TAS2R1: variants seen among roughly 807,000 people sequenced by gnomAD.
The protein encoded by TAS2R1 is taste 2 receptor member 1, also known as taste receptor type 2 member 1.
For missense variants in TAS2R1, 370 were observed against 353.4 expected (o/e 1.05, Z -0.38); for synonymous variants, 141 against 134.2 (o/e 1.05, Z -0.35).
chr5:9,866,239 T>C, the TAS2R1 span, among the ~76,000 whole-genome samples: 1 of 152,218 alleles, frequency 6.6e-6, no homozygotes. Context: ...TCCATTGGAA[T>C]TTTTATGGTT....
At chr5:9,767,974 C>G in the TAS2R1 span, among the ~76,000 whole-genome samples, 1 of 151,278 alleles carries the variant, frequency 6.6e-6, no homozygotes, top group Non-Finnish European at 1.5e-5. Flanking sequence ...ACTTAGAACC[C>G]TGTACTGGAT....
In TAS2R1 at chr5:9,665,358, A is replaced by C. The variant is rs143882523; in HGVS notation, c.-241-5777T>G. Among the ~76,000 whole-genome samples, 732 of 152,332 alleles carry C rather than the reference A, an allele frequency of 4.8e-3. 1 individual carries two copies. The highest frequency in any genetic ancestry group is 0.02 in the Middle Eastern group (6 of 294). On this transcript the variant is annotated intron_variant, in intron 1 of 2. Transcript: ENST00000506620. ...AATCAACTGATTAGTAGCCCTAATT[A>C]CATCTACAAAGTCTCTTTTCCATGT...
chr5:9,760,612 G>A, the TAS2R1 span, among the ~76,000 whole-genome samples: 1 of 152,168 alleles, frequency 6.6e-6, no homozygotes, highest in African/African-American at 2.4e-5. Flanking sequence ...ATCAATGGAT[G>A]TAGAAAAACC....
the TAS2R1 span, among the ~76,000 whole-genome samples, chr5:9,764,636 G>A: frequency 6.6e-6 from 1 of 152,130 alleles, no homozygotes; most frequent in Non-Finnish European, 1.5e-5. Flanking sequence ...TGTAAACATT[G>A]TCACCCTTAA....
chr5:9,798,779 G>GT, the TAS2R1 span, among the ~76,000 whole-genome samples: 2 of 152,198 alleles, frequency 1.3e-5, no homozygotes, highest in Non-Finnish European at 1.5e-5. Flanking sequence ...CTGTGCCAAC[G>GT]TAAGTAAAAT....
chr5:9,696,762 C>T (rs1741364877), intron 1 of TAS2R1, among the ~76,000 whole-genome samples: 1 of 152,052 alleles, frequency 6.6e-6, no homozygotes, highest in Non-Finnish European at 1.5e-5. Flanking sequence ...GACTGTAATC[C>T]CAGCACTCTG....
At chr5:9,816,532 C>CT in the TAS2R1 span, among the ~76,000 whole-genome samples, 41,284 of 150,902 alleles carry the variant, frequency 0.27, 5,928 homozygotes, top group East Asian at 0.36. Context: ...AAATCTATTG[C>CT]TTTTTTTTTC....
At chr5:9,758,470 T>C in the TAS2R1 span, among the ~76,000 whole-genome samples, 1 of 152,278 alleles carries the variant, frequency 6.6e-6, no homozygotes, top group East Asian at 1.9e-4. Flanking sequence ...AAATTTTTAA[T>C]TGGTTGGAGC....
the TAS2R1 span, among the ~76,000 whole-genome samples, chr5:9,860,812 T>C: frequency 3.3e-5 from 5 of 152,216 alleles, no homozygotes; most frequent in East Asian, 9.6e-4. Context: ...ACTGGATGGC[T>C]GCAGCCTGCA....
the TAS2R1 span, among the ~76,000 whole-genome samples, chr5:9,761,330 C>T: frequency 6.7e-6 from 1 of 150,064 alleles, no homozygotes; most frequent in African/African-American, 2.5e-5. Flanking sequence ...TTCCTTGGAG[C>T]TGAACAGGAG....
the TAS2R1 span, among the ~76,000 whole-genome samples, chr5:9,820,468 A>T: frequency 6.6e-6 from 1 of 152,242 alleles, no homozygotes; most frequent in Non-Finnish European, 1.5e-5. Context: ...TAAGTCAACT[A>T]CAGTACATCA....
In TAS2R1 at chr5:9,659,044, A is replaced by T. The variant is rs1040003041; in HGVS notation, c.-81+377T>A. On this transcript the variant is annotated intron_variant, in intron 2 of 2. Coordinates refer to the TAS2R1 transcript ENST00000506620. ...GCCTGTAAATTTTATCCCCTGTGGC[A>T]AGTTAGCAAATTGGCATCCAGGTTT... 4.6e-5 allele frequency among the ~76,000 whole-genome samples: 7 copies of T among 152,316 alleles called. No individual in the cohort carries two copies. The South Asian group carries it at 8.3e-4, about 18-fold the overall frequency.
chr5:9,830,636 T>C, the TAS2R1 span, among the ~76,000 whole-genome samples: 43 of 125,888 alleles, frequency 3.4e-4, no homozygotes, highest in African/African-American at 5.3e-4. Flanking sequence ...CACACACACA[T>C]ACAACAGAGA....
chr5:9,857,496 G>GA, the TAS2R1 span, among the ~76,000 whole-genome samples: 3 of 152,136 alleles, frequency 2.0e-5, no homozygotes, highest in African/African-American at 7.2e-5. Flanking sequence ...GCGATGGGTT[G>GA]ATTTGTGCAG....
the TAS2R1 span, among the ~76,000 whole-genome samples, chr5:9,868,275 C>T: frequency 6.6e-6 from 1 of 152,220 alleles, no homozygotes; most frequent in East Asian, 1.9e-4. Flanking sequence ...TCCATGAGGG[C>T]CCTGCCCCTG....
the TAS2R1 span, among the ~76,000 whole-genome samples, chr5:9,755,660 C>T: frequency 5.3e-5 from 8 of 152,110 alleles, no homozygotes; most frequent in South Asian, 2.1e-4. Flanking sequence ...AGAGCAGCCC[C>T]GCAGACTGCT....
chr5:9,859,774 T>G, the TAS2R1 span, among the ~76,000 whole-genome samples: 4 of 152,164 alleles, frequency 2.6e-5, no homozygotes, highest in African/African-American at 9.7e-5. Flanking sequence ...GGATCCTCAC[T>G]GTTTGGAAGA....
At chr5:9,732,953 C>T in the TAS2R1 span, among the ~76,000 whole-genome samples, 4 of 152,256 alleles carry the variant, frequency 2.6e-5, no homozygotes, top group Admixed American at 6.5e-5. Context: ...TCTCTTAAAG[C>T]TTTCAACTGA....
At chr5:9,896,063 T>C in the TAS2R1 span, among the ~76,000 whole-genome samples, 6 of 152,154 alleles carry the variant, frequency 3.9e-5, no homozygotes, top group Non-Finnish European at 7.3e-5. Flanking sequence ...TGGGTATTGG[T>C]GAAAATATTT....
Sources: allele counts gnomAD v4.1 joint callset (sites outside exome capture counted in the v4.1 genomes callset), GRCh38; gene constraint gnomAD v4.1.1; transcripts MANE v1.5; gene names NCBI Gene and HGNC (gene_info 2026-07-23, HGNC 2026-07-21).